The following HPF1 variants were observed in gnomAD, a reference collection of about 807,000 sequenced individuals.
HPF1 encodes the protein histone PARylation factor 1.
HPF1 carries 35 observed loss-of-function variants against 38.8 expected under a neutral mutation model. The ratio of observed to expected loss-of-function variants is 0.90; its 90% CI spans 0.69 to 1.19. HPF1 has a LOEUF of 1.19. Ranked by LOEUF, HPF1 falls within the 50% of genes most tolerant of loss-of-function variation. The pLI is 0.00. For synonymous variants in HPF1, 115 were observed against 139.2 expected, an observed-to-expected ratio of 0.83 and a Z score of 1.22; for missense variants, 367 against 405.8, an observed-to-expected ratio of 0.90 and a Z score of 0.82.
At chr4:169,744,973 G>C (rs971360136) in intron 4 of HPF1, among the ~76,000 whole-genome samples, 7 of 152,314 alleles carry the variant, frequency 4.6e-5, no homozygotes, top group South Asian at 2.1e-4. Flanking sequence ...GAAAAAAAAA[G>C]AAAAGCAATG....
chr4:169,743,985 A>G (rs1734013216), intron 4 of HPF1, among the ~76,000 whole-genome samples: 1 of 152,014 alleles, frequency 6.6e-6, no homozygotes, highest in South Asian at 2.1e-4. Context: ...TGCCACAGAA[A>G]CCCAAGCCAT....
In HPF1 at chr4:169,743,409, C is replaced by CTTT. The variant is rs34941625; in HGVS notation, c.498-1305_498-1303dup. On this transcript the variant is annotated intron_variant, in intron 4 of 7. Coordinates refer to ENST00000393381, the MANE Select transcript of HPF1 (RefSeq NM_017867.3). Reference sequence around the variant, plus strand: ...ACAGGCGTGAGCCACTGCCCCTGGCCTTTTTTTTTTTTTTTTTTTTTTTTT... The same window carrying CTTT: ...ACAGGCGTGAGCCACTGCCCCTGGCCTTTTTTTTTTTTTTTTTTTTTTTTTTTT... Among the ~76,000 whole-genome samples, 23 of 69,742 alleles carry CTTT rather than the reference C, an allele frequency of 3.3e-4. 2 individuals carry two copies. Among genetic ancestry groups the CTTT allele is most frequent in the African/African-American group, 1.2e-3 (18 of 15,428 alleles). 45.8% of individuals were successfully genotyped at this position (69,742 alleles called of 152,430 possible).
Position 169,742,018 on chromosome 4 carries a change from G to T in HPF1, c.587C>A (p.Ala196Asp). Residue 196 changes from alanine to aspartate, a missense_variant, in exon 5 of 8, where the codon GCC becomes GAC. By Grantham distance (126) the Ala-to-Asp change is moderately radical (BLOSUM62 -2). Transcript: ENST00000393381. ...TTCAAGCGAGTACCCCAATTCTCTG[G>T]CTGCTTCTGTGAGTTTTTCATCTAT... Reference protein sequence around the residue: ...KNIDEKLTEAARELGYSLEQR... With the variant: ...KNIDEKLTEADRELGYSLEQR... The T allele has an allele frequency of 2.5e-6, 4 of 1,612,600 alleles. No homozygotes were observed. Among genetic ancestry groups the T allele is most frequent in the Non-Finnish European group, 3.4e-6 (4 of 1,178,730 alleles).
At chr4:169,754,494 C>A (rs929597958) in intron 1 of HPF1, among the ~76,000 whole-genome samples, 4 of 152,100 alleles carry the variant, frequency 2.6e-5, no homozygotes, top group African/African-American at 9.7e-5. Flanking sequence ...ATCTCTAGGA[C>A]CACCACAATA....
At chr4:169,734,036 T>C (rs1733863793) in intron 6 of HPF1, among the ~76,000 whole-genome samples, 1 of 152,200 alleles carries the variant, frequency 6.6e-6, no homozygotes, top group African/African-American at 2.4e-5. Flanking sequence ...TCACAAAATG[T>C]GTTGTTCCCT....
chr4:169,732,092 A>T, intron 6 of HPF1: 6 of 405,812 alleles, frequency 1.5e-5, no homozygotes, highest in South Asian at 4.3e-5. Context: ...GTTAACAAGT[A>T]TTTCTTTATT....
chr4:169,742,496 C>CAAAAAAAAGTAGACATA (rs1560888749), intron 4 of HPF1, among the ~76,000 whole-genome samples: 1 of 152,070 alleles, frequency 6.6e-6, no homozygotes, highest in African/African-American at 2.4e-5. Context: ...AAGTAGACAT[C>CAAAAAAAAGTAGACATA]AAAAAAATTT....
At chr4:169,757,250 C>T (rs1481200841) in intron 1 of HPF1, among the ~76,000 whole-genome samples, 5 of 152,186 alleles carry the variant, frequency 3.3e-5, no homozygotes, top group South Asian at 2.1e-4. Context: ...TACGCCCAAA[C>T]ATCTCCTACA....
chr4:169,732,137 ATTTTTT>A (rs70964219), intron 6 of HPF1: 107 of 156,072 alleles, frequency 6.9e-4, no homozygotes, highest in Admixed American at 2.5e-3. Flanking sequence ...TACAGTCACG[ATTTTTT>A]TTTTTTTTTT....
chr4:169,738,973 A>T (rs1581315464), intron 5 of HPF1, among the ~76,000 whole-genome samples: 1 of 140,778 alleles, frequency 7.1e-6, no homozygotes, highest in South Asian at 2.6e-4. Flanking sequence ...GGAACATCAC[A>T]CACTGGGGCC....
At chr4:169,736,144 C>T (rs1242372946) in intron 6 of HPF1, among the ~76,000 whole-genome samples, 5 of 151,586 alleles carry the variant, frequency 3.3e-5, no homozygotes, top group Admixed American at 2.6e-4. Flanking sequence ...TTTGGGAAGC[C>T]GAGGTGGGTT....
At chr4:169,749,342 A>G (rs925266246) in intron 3 of HPF1, among the ~76,000 whole-genome samples, 8 of 152,210 alleles carry the variant, frequency 5.3e-5, no homozygotes, top group African/African-American at 1.7e-4. Context: ...AATTACAAAG[A>G]CATTTCAATA....
chr4:169,747,729 C>T (rs1415194890), intron 4 of HPF1, among the ~76,000 whole-genome samples: 4 of 152,140 alleles, frequency 2.6e-5, no homozygotes, highest in African/African-American at 9.7e-5. Flanking sequence ...CACATGGGAC[C>T]TATCTTCTTC....
At chr4:169,739,572 G>A (rs1338611232) in intron 5 of HPF1, among the ~76,000 whole-genome samples, 3 of 152,000 alleles carry the variant, frequency 2.0e-5, no homozygotes, top group Non-Finnish European at 4.4e-5. Context: ...TTAGAAACAA[G>A]CAAAGAAAAA....
At chr4:169,754,242 C>T (rs1185250446) in intron 1 of HPF1, among the ~76,000 whole-genome samples, 17 of 152,248 alleles carry the variant, frequency 1.1e-4, no homozygotes, top group African/African-American at 4.1e-4. Context: ...AGCAATTCAT[C>T]AGTTAAAAAG....
intron 5 of HPF1, 24 bp from the exon 6 acceptor site, chr4:169,737,771 T>A (rs535057665): frequency 1.3e-6 from 2 of 1,502,656 alleles, no homozygotes; most frequent in South Asian, 1.1e-5. Flanking sequence ...AAGAATAAAA[T>A]GTAATCATGG....
chr4:169,753,438 A>G (rs1397141808), intron 2 of HPF1, among the ~76,000 whole-genome samples: 1 of 152,200 alleles, frequency 6.6e-6, no homozygotes, highest in Non-Finnish European at 1.5e-5. Context: ...GGATCCTCCC[A>G]TCTCAGTCTC....
chr4:169,755,306 T>A (rs1734174836), intron 1 of HPF1, among the ~76,000 whole-genome samples: 1 of 152,164 alleles, frequency 6.6e-6, no homozygotes, highest in Non-Finnish European at 1.5e-5. Flanking sequence ...AGGGTTTGAA[T>A]TTTGTGGACC....
intron 6 of HPF1, among the ~76,000 whole-genome samples, chr4:169,736,941 G>C (rs17628016): frequency 6.6e-6 from 1 of 152,082 alleles, no homozygotes; most frequent in East Asian, 1.9e-4. Context: ...TACAGATGAC[G>C]TAGTTCAGGA....
Sources: gnomAD v4.1 joint callset for allele counts (sites outside exome capture counted in the v4.1 genomes callset) on GRCh38, gnomAD v4.1.1 for gene constraint, MANE v1.5 for transcripts, NCBI Gene and HGNC (gene_info 2026-07-23, HGNC 2026-07-21) for gene names.